RGS6: variants seen among roughly 807,000 people sequenced by gnomAD.
RGS6 encodes regulator of G-protein signaling 6.
A neutral mutation model predicts 78.5 loss-of-function variants in RGS6; 30 were observed. The observed-to-expected ratio is 0.38, with a 90% CI of 0.29 to 0.52. The LOEUF (loss-of-function observed/expected upper bound fraction) is 0.52. Ranked by LOEUF, RGS6 falls within the 20% of genes least tolerant of loss-of-function variation. The probability of loss-of-function intolerance (pLI) is 0.85; values close to 1 mark genes in which losing one functional copy is unlikely to be tolerated. For synonymous variants in RGS6, 206 were observed against 206.0 expected (o/e 1.00, Z 0.00); for missense variants, 495 against 609.7 (o/e 0.81, Z 1.98).
At chr14:71,960,769 G>A (rs775109539) in intron 1 of RGS6, among the ~76,000 whole-genome samples, 1 of 152,178 alleles carries the variant, frequency 6.6e-6, no homozygotes, top group Non-Finnish European at 1.5e-5. Flanking sequence ...AAGCTGAGCC[G>A]CTTCTGGGGC....
chr14:71,939,460 G>A (rs747257808), intron 1 of RGS6, among the ~76,000 whole-genome samples: 1 of 152,200 alleles, frequency 6.6e-6, no homozygotes, highest in African/African-American at 2.4e-5. Flanking sequence ...AGTGATCAAG[G>A]TCTCTCTGAA....
chr14:72,299,520 C>T (rs966460480), intron 2 of RGS6, among the ~76,000 whole-genome samples: 4 of 152,188 alleles, frequency 2.6e-5, no homozygotes, highest in African/African-American at 7.2e-5. Context: ...TGGATCATAA[C>T]GTAACTCTAT....
At chr14:72,033,714 T>C (rs117996765) in intron 2 of RGS6, among the ~76,000 whole-genome samples, 1,671 of 152,300 alleles carry the variant, frequency 0.011, 15 homozygotes, top group Non-Finnish European at 0.015. Flanking sequence ...AAGTTGAAAA[T>C]AGTAAGTCAA....
In RGS6 at chr14:72,405,943, G is replaced by A. The variant is rs143178585; in HGVS notation, c.185-48585G>A. On this transcript the variant is annotated intron_variant, in intron 3 of 17. Coordinates refer to ENST00000553525, the MANE Select transcript of RGS6 (RefSeq NM_001204424.2). ...CTGTGGTCTTCATAGAAGATGACCC[G>A]CGTATTTCCAAGGTTTCCTCCAGGA... Among the ~76,000 whole-genome samples, 368 of 152,288 alleles carry A rather than the reference G, an allele frequency of 2.4e-3. 2 individuals carry two copies. The highest frequency in any genetic ancestry group is 8.4e-3 in the African/African-American group (350 of 41,550).
the RGS6 span, among the ~76,000 whole-genome samples, chr14:71,912,634 T>G: frequency 1.3e-5 from 2 of 152,064 alleles, no homozygotes; most frequent in South Asian, 4.2e-4. Context: ...ATGACCCAGA[T>G]AGACCACCTG....
At chr14:71,891,045 T>C in the RGS6 span, among the ~76,000 whole-genome samples, 1 of 152,192 alleles carries the variant, frequency 6.6e-6, no homozygotes, top group Non-Finnish European at 1.5e-5. Context: ...TCTAGATCTG[T>C]AAAGAAAAGG....
chr14:72,557,228 A>T (rs1683130343), intron 17 of RGS6, among the ~76,000 whole-genome samples: 1 of 148,974 alleles, frequency 6.7e-6, no homozygotes, highest in South Asian at 2.2e-4. Flanking sequence ...TAGAGAATTT[A>T]AAAAGTGTTT....
chr14:72,072,714 C>T (rs1175982450), intron 2 of RGS6, among the ~76,000 whole-genome samples: 6 of 152,326 alleles, frequency 3.9e-5, no homozygotes, highest in African/African-American at 1.4e-4. Context: ...TAGGTAATCA[C>T]TGGTCCTTCA....
At chr14:72,290,136 TAAAG>T (rs1411474072) in intron 2 of RGS6, among the ~76,000 whole-genome samples, 13 of 152,252 alleles carry the variant, frequency 8.5e-5, no homozygotes, top group African/African-American at 2.6e-4. Flanking sequence ...TCTCATAAAA[TAAAG>T]AAATCGAGAT....
chr14:72,429,790 A>G (rs1439002409), intron 3 of RGS6, among the ~76,000 whole-genome samples: 1 of 152,184 alleles, frequency 6.6e-6, no homozygotes, highest in Admixed American at 6.5e-5. Context: ...ATCTTGGCTT[A>G]TAATCCCTGT....
chr14:72,397,927 T>C (rs1265692090), intron 3 of RGS6, among the ~76,000 whole-genome samples: 1 of 152,202 alleles, frequency 6.6e-6, no homozygotes, highest in Non-Finnish European at 1.5e-5. Context: ...GATAAGCTTT[T>C]TGATGTGCTG....
intron 2 of RGS6, among the ~76,000 whole-genome samples, chr14:72,039,027 C>T (rs2092082750): frequency 1.3e-5 from 2 of 152,204 alleles, no homozygotes; most frequent in African/African-American, 4.8e-5. Context: ...TAGATGTGAT[C>T]CTTGTTGGTT....
At chr14:72,357,849 G>T (rs2080649704) in intron 3 of RGS6, among the ~76,000 whole-genome samples, 1 of 152,128 alleles carries the variant, frequency 6.6e-6, no homozygotes, top group African/African-American at 2.4e-5. Context: ...CAAGACAGTG[G>T]GGAAAATGTC....
intron 13 of RGS6, among the ~76,000 whole-genome samples, chr14:72,500,170 A>G (rs1409614863): frequency 6.6e-6 from 1 of 152,200 alleles, no homozygotes; most frequent in Non-Finnish European, 1.5e-5. Context: ...TTCCCCAAGG[A>G]GGTGCTACCT....
chr14:72,153,142 C>G (rs2096718338), intron 2 of RGS6, among the ~76,000 whole-genome samples: 1 of 152,144 alleles, frequency 6.6e-6, no homozygotes, highest in Non-Finnish European at 1.5e-5. Flanking sequence ...TATCCCACTT[C>G]AAATGTCACT....
intron 14 of RGS6, among the ~76,000 whole-genome samples, chr14:72,513,201 C>T (rs2096899823): frequency 1.3e-5 from 2 of 152,222 alleles, no homozygotes; most frequent in African/African-American, 4.8e-5. Context: ...AACATTCTTG[C>T]ACAACCCACG....
At chr14:72,482,372 T>C (rs943116153) in intron 12 of RGS6, among the ~76,000 whole-genome samples, 13 of 152,164 alleles carry the variant, frequency 8.5e-5, no homozygotes, top group Non-Finnish European at 1.9e-4. Flanking sequence ...CTACTAACCC[T>C]TCCCCCCAAC....
chr14:72,494,197 C>T (rs914566271), intron 12 of RGS6, among the ~76,000 whole-genome samples: 3 of 152,222 alleles, frequency 2.0e-5, no homozygotes, highest in African/African-American at 2.4e-5. Flanking sequence ...AAAACACTTG[C>T]TTGGAAAAAG....
intron 2 of RGS6, among the ~76,000 whole-genome samples, chr14:72,326,956 C>G (rs1053008664): frequency 1.3e-5 from 2 of 152,126 alleles, no homozygotes; most frequent in African/African-American, 4.8e-5. Flanking sequence ...ATCTGCCCAC[C>G]TCGGCCTCCC....
Sources: gnomAD v4.1 joint callset for allele counts (sites outside exome capture counted in the v4.1 genomes callset) on GRCh38, gnomAD v4.1.1 for gene constraint, MANE v1.5 for transcripts, NCBI Gene and HGNC (gene_info 2026-07-23, HGNC 2026-07-21) for gene names.